Variants in SHISA9 observed in about 807,000 individuals in gnomAD.
SHISA9 encodes protein shisa-9.
In SHISA9, 13 loss-of-function variants were observed where a neutral mutation model predicts 38.0. The ratio of observed to expected loss-of-function variants is 0.34; its 90% CI spans 0.22 to 0.54. The LOEUF (loss-of-function observed/expected upper bound fraction) is 0.54, where lower values mean the gene tolerates loss of function less well. SHISA9 is among the 20% of genes least tolerant of loss of function. The pLI is 0.91. For synonymous variants in SHISA9, 275 were observed against 242.0 expected (o/e 1.14, Z -1.27); for missense variants, 538 against 575.8 (o/e 0.93, Z 0.67).
At chr16:13,539,446 G>A in the SHISA9 span, among the ~76,000 whole-genome samples, 1 of 150,062 alleles carries the variant, frequency 6.7e-6, no homozygotes, top group Non-Finnish European at 1.5e-5. Flanking sequence ...CAAAGTTCTG[G>A]GATTACAGGT....
the SHISA9 span, among the ~76,000 whole-genome samples, chr16:13,460,412 C>A: frequency 1.3e-5 from 2 of 152,144 alleles, no homozygotes; most frequent in Non-Finnish European, 2.9e-5. Flanking sequence ...CCCCCCGATC[C>A]ATCATATTAG....
chr16:13,262,656 GGAAGGAAGGA>G, the SHISA9 span, among the ~76,000 whole-genome samples: 2 of 100,440 alleles, frequency 2.0e-5, no homozygotes, highest in Non-Finnish European at 4.4e-5. Flanking sequence ...AAGGAAGGAA[GGAAGGAAGGA>G]AGGAAGGGAG....
chr16:13,176,634 C>G (rs1233204497), intron 2 of SHISA9, among the ~76,000 whole-genome samples: 1 of 152,206 alleles, frequency 6.6e-6, no homozygotes, highest in Non-Finnish European at 1.5e-5. Context: ...GGCTTGGCCC[C>G]CTCCTGCTTA....
chr16:13,305,168 T>C, the SHISA9 span, among the ~76,000 whole-genome samples: 110 of 152,326 alleles, frequency 7.2e-4, no homozygotes, highest in African/African-American at 2.1e-3. Flanking sequence ...ACATGTAGCC[T>C]AAAGATAATT....
intron 4 of SHISA9, among the ~76,000 whole-genome samples, chr16:13,222,032 A>C (rs2051231075): frequency 6.6e-6 from 1 of 152,182 alleles, no homozygotes; most frequent in Admixed American, 6.5e-5. Context: ...TGGAAGGCCA[A>C]GGGGAAGCAA....
At chr16:13,034,964 A>C (rs562963096) in intron 2 of SHISA9, among the ~76,000 whole-genome samples, 3 of 152,296 alleles carry the variant, frequency 2.0e-5, no homozygotes, top group Non-Finnish European at 4.4e-5. Flanking sequence ...CTAAATAACC[A>C]ATTACAGATT....
chr16:13,256,389 C>G, the SHISA9 span, among the ~76,000 whole-genome samples: 2 of 152,228 alleles, frequency 1.3e-5, no homozygotes, highest in Non-Finnish European at 2.9e-5. Flanking sequence ...TCAAGTGATT[C>G]TCCTGCCTCC....
chr16:13,326,350 G>T, the SHISA9 span, among the ~76,000 whole-genome samples: 6 of 152,180 alleles, frequency 3.9e-5, no homozygotes, highest in Non-Finnish European at 7.3e-5. Context: ...AACTATCATA[G>T]TGGCCTTACT....
chr16:13,281,868 C>T, the SHISA9 span, among the ~76,000 whole-genome samples: 15 of 151,606 alleles, frequency 9.9e-5, no homozygotes, highest in African/African-American at 3.4e-4. Context: ...AAATGTGATA[C>T]TTCCAACAGT....
the SHISA9 span, among the ~76,000 whole-genome samples, chr16:13,439,692 C>T: frequency 6.6e-6 from 1 of 152,186 alleles, no homozygotes; most frequent in African/African-American, 2.4e-5. Context: ...TCTGGTGACC[C>T]TTCAAGTTCT....
intron 2 of SHISA9, among the ~76,000 whole-genome samples, chr16:13,084,070 T>C (rs1596637067): frequency 6.6e-6 from 1 of 151,058 alleles, no homozygotes; most frequent in Non-Finnish European, 1.5e-5. Context: ...CCTCTTGCAG[T>C]GAGGTTATTC....
chr16:13,396,700 T>C, the SHISA9 span, among the ~76,000 whole-genome samples: 2 of 152,214 alleles, frequency 1.3e-5, no homozygotes, highest in Non-Finnish European at 2.9e-5. Flanking sequence ...CTTTTGCACG[T>C]ACTGGGATGC....
the SHISA9 span, among the ~76,000 whole-genome samples, chr16:13,251,117 A>G: frequency 6.6e-6 from 1 of 152,178 alleles, no homozygotes; most frequent in Non-Finnish European, 1.5e-5. Flanking sequence ...AGGAACAGAT[A>G]AAACAGCAGA....
intron 2 of SHISA9, among the ~76,000 whole-genome samples, chr16:13,061,325 A>G: frequency 6.6e-6 from 1 of 152,184 alleles, no homozygotes; most frequent in East Asian, 1.9e-4. Flanking sequence ...TAATAACAGG[A>G]TGATGTTAGG....
the SHISA9 span, among the ~76,000 whole-genome samples, chr16:13,421,968 C>G: frequency 6.6e-6 from 1 of 152,174 alleles, no homozygotes; most frequent in African/African-American, 2.4e-5. Flanking sequence ...GATCTAAGCC[C>G]TTTGTGGGGC....
intron 2 of SHISA9, among the ~76,000 whole-genome samples, chr16:13,085,805 G>T (rs777253385): frequency 6.6e-6 from 1 of 152,214 alleles, no homozygotes; most frequent in East Asian, 1.9e-4. Context: ...TCTGTTGAAG[G>T]TTCTAATAAA....
intron 2 of SHISA9, among the ~76,000 whole-genome samples, chr16:12,940,713 C>T (rs1458078116): frequency 2.0e-5 from 3 of 152,180 alleles, no homozygotes; most frequent in Non-Finnish European, 4.4e-5. Context: ...GTCTTTGCGG[C>T]ACTGAGCATT....
rs189569696 is a variant in SHISA9, at chr16:12,953,488, C to T, written c.691+36673C>T. On this transcript the variant is annotated intron_variant, in intron 2 of 4. Transcript: ENST00000558583. ...GACACCTAACACCAAGCACTCTTAACCAACAGAAAGCATAAGGACATTGAT... is the reference window on the plus strand; with the variant it reads ...GACACCTAACACCAAGCACTCTTAATCAACAGAAAGCATAAGGACATTGAT... 1.4e-4 allele frequency among the ~76,000 whole-genome samples: 21 copies of T among 152,278 alleles called. 1 individual carries two copies. The highest frequency in any genetic ancestry group is 1.4e-3 in the Admixed American group (21 of 15,298).
intron 2 of SHISA9, among the ~76,000 whole-genome samples, chr16:13,181,164 TTTG>T (rs1400832766): frequency 2.0e-4 from 30 of 151,098 alleles, no homozygotes; most frequent in Middle Eastern, 3.4e-3. Flanking sequence ...TACCATTATT[TTTG>T]TTGTTTATAT....
Sources: allele counts gnomAD v4.1 joint callset (sites outside exome capture counted in the v4.1 genomes callset), GRCh38; gene constraint gnomAD v4.1.1; transcripts MANE v1.5; gene names NCBI Gene and HGNC (gene_info 2026-07-23, HGNC 2026-07-21).